Variants in POLN observed in about 807,000 individuals in gnomAD.
POLN encodes DNA polymerase nu, also known as DNA polymerase N.
A neutral mutation model predicts 113.5 loss-of-function variants in POLN; 108 were observed. That is an observed-to-expected ratio of 0.95 (90% CI 0.81 to 1.12). The LOEUF (loss-of-function observed/expected upper bound fraction) is 1.12. POLN is among the 50% of genes most tolerant of loss of function. POLN has a pLI of 0.00. For missense variants in POLN, 1,097 were observed against 1,077.1 expected, an observed-to-expected ratio of 1.02 and a Z score of -0.26; for synonymous variants, 386 against 391.5, an observed-to-expected ratio of 0.99 and a Z score of 0.17.
intron 2 of POLN, among the ~76,000 whole-genome samples, chr4:2,232,736 C>T (rs557728786): frequency 4.6e-5 from 7 of 152,222 alleles, no homozygotes; most frequent in South Asian, 2.1e-4. Context: ...CTAGCCATGC[C>T]GACCCTTCAT....
At chr4:2,154,183 G>C (rs1461258595) in intron 16 of POLN, among the ~76,000 whole-genome samples, 2 of 110,084 alleles carry the variant, frequency 1.8e-5, no homozygotes, top group Non-Finnish European at 3.4e-5. Context: ...GGGCGACAGC[G>C]AGACTCCATC....
At chr4:2,153,992 T>C (rs1390199506) in intron 16 of POLN, among the ~76,000 whole-genome samples, 2 of 150,962 alleles carry the variant, frequency 1.3e-5, no homozygotes, top group East Asian at 2.0e-4. Context: ...GGTCAGGAGA[T>C]TGAGACCATC....
At chr4:2,215,578 G>A (rs920368407) in intron 3 of POLN, among the ~76,000 whole-genome samples, 5 of 152,180 alleles carry the variant, frequency 3.3e-5, no homozygotes, top group Admixed American at 1.3e-4. Context: ...CACTCCTGGG[G>A]AAGGGGTGGG....
intron 20 of POLN, chr4:2,088,988 C>A: frequency 1.1e-6 from 1 of 870,108 alleles, no homozygotes; most frequent in Non-Finnish European, 1.9e-6. Flanking sequence ...CCTAGTCAGA[C>A]AGCCTTTATT....
intron 16 of POLN, among the ~76,000 whole-genome samples, chr4:2,148,659 T>A (rs578107364): frequency 1.2e-5 from 1 of 83,730 alleles, no homozygotes; most frequent in Non-Finnish European, 2.8e-5. Context: ...AGAGCGAGAC[T>A]CTGTCCCCCC....
intron 10 of POLN, 48 bp from the exon 11 acceptor site, chr4:2,174,067 T>A: frequency 6.3e-7 from 1 of 1,577,862 alleles, no homozygotes; most frequent in South Asian, 1.1e-5. Context: ...AATGTATTCT[T>A]TTTACTAAAG....
chr4:2,100,088 A>AG (rs1417255204), intron 19 of POLN, among the ~76,000 whole-genome samples: 1 of 150,924 alleles, frequency 6.6e-6, no homozygotes, highest in Non-Finnish European at 1.5e-5. Flanking sequence ...AAAAAAAAGA[A>AG]AAAGAAAAAA....
intron 5 of POLN, among the ~76,000 whole-genome samples, chr4:2,201,421 T>C (rs1049693071): frequency 1.3e-5 from 2 of 149,048 alleles, no homozygotes; most frequent in African/African-American, 2.5e-5. Context: ...AATCTCACCA[T>C]TAGAATCAAA....
intron 19 of POLN, among the ~76,000 whole-genome samples, chr4:2,125,443 T>G (rs1331241546): frequency 2.0e-5 from 3 of 152,064 alleles, no homozygotes; most frequent in African/African-American, 7.3e-5. Flanking sequence ...TAGTAGTTAT[T>G]TGTGGAAGAT....
At chr4:2,111,221 G>A (rs1443134564) in intron 19 of POLN, among the ~76,000 whole-genome samples, 1 of 152,034 alleles carries the variant, frequency 6.6e-6, no homozygotes, top group African/African-American at 2.4e-5. Context: ...AATAAATTAG[G>A]TATTGATGGG....
intron 19 of POLN, among the ~76,000 whole-genome samples, chr4:2,125,031 GTTATATTTA>G: frequency 6.6e-6 from 1 of 152,216 alleles, no homozygotes; most frequent in Non-Finnish European, 1.5e-5. Flanking sequence ...TCTTTCTAGG[GTTATATTTA>G]GGGCAATCCT....
chr4:2,153,029 C>T (rs887506697), intron 16 of POLN, among the ~76,000 whole-genome samples: 36 of 152,336 alleles, frequency 2.4e-4, no homozygotes, highest in Admixed American at 1.5e-3. Flanking sequence ...ACAGGACATA[C>T]GTGCATGGTG....
chr4:2,170,972 A>C, intron 12 of POLN, 126 bp downstream of exon 12: 1 of 939,388 alleles, frequency 1.1e-6, no homozygotes, highest in East Asian at 2.5e-5. Context: ...ATTACTTGTG[A>C]GAGAACATGA....
At chr4:2,096,218 C>A (rs1730786683) in intron 19 of POLN, among the ~76,000 whole-genome samples, 1 of 152,222 alleles carries the variant, frequency 6.6e-6, no homozygotes, top group South Asian at 2.1e-4. Flanking sequence ...TCACCAAAGG[C>A]ATGCCCATCC....
In POLN at chr4:2,198,617, T is replaced by C; in HGVS notation, c.815A>G (p.Glu272Gly). Residue 272 changes from glutamate to glycine, a missense_variant, in exon 6 of 26, where the codon GAG becomes GGG. Transcript: ENST00000511885. ...GCATGGATCATCTGACACAAAGCCC[T>C]CCAGAACAGGACCACAGGCCGGGGC... ...PDAPACGPVL[E>G]GFVSDDPCIY... 4 of 1,613,796 alleles carry C rather than the reference T, an allele frequency of 2.5e-6. No individual in the cohort carries two copies. Among genetic ancestry groups the C allele is most frequent in the Non-Finnish European group, 3.4e-6 (4 of 1,179,962 alleles).
chr4:2,201,976 G>C (rs1298976901), intron 5 of POLN, among the ~76,000 whole-genome samples: 2 of 152,154 alleles, frequency 1.3e-5, no homozygotes, highest in African/African-American at 4.8e-5. Context: ...CAAATGCTGA[G>C]AGAAATAGCC....
At chr4:2,179,881 C>T (rs617914) in intron 7 of POLN, among the ~76,000 whole-genome samples, 17,931 of 152,276 alleles carry the variant, frequency 0.12, 1,417 homozygotes, top group Non-Finnish European at 0.17. Flanking sequence ...CAGCCTGTCA[C>T]TGGGCTGTCT....
intron 5 of POLN, among the ~76,000 whole-genome samples, chr4:2,201,697 A>T (rs1036940201): frequency 1.3e-5 from 2 of 152,214 alleles, no homozygotes; most frequent in African/African-American, 4.8e-5. Context: ...AGAAGCTCAA[A>T]GAACACCTGG....
intron 7 of POLN, among the ~76,000 whole-genome samples, chr4:2,181,891 T>C (rs544530540): frequency 6.6e-5 from 10 of 151,254 alleles, no homozygotes; most frequent in African/African-American, 2.4e-4. Flanking sequence ...TCCCAGCTAC[T>C]GGGGAGGCTG....
Sources: gnomAD v4.1 joint callset for allele counts (sites outside exome capture counted in the v4.1 genomes callset) on GRCh38, gnomAD v4.1.1 for gene constraint, MANE v1.5 for transcripts, NCBI Gene and HGNC (gene_info 2026-07-23, HGNC 2026-07-21) for gene names.